AURKA: variants seen among roughly 807,000 people sequenced by gnomAD.
AURKA encodes aurora kinase A, also known as aurora 2.
AURKA carries 12 observed loss-of-function variants against 40.9 expected under a neutral mutation model. The observed-to-expected ratio is 0.29, with a 90% CI of 0.19 to 0.48. AURKA has a LOEUF of 0.48. Among genes scored for constraint, AURKA ranks in the 20% least tolerant of loss-of-function variants. The pLI, the probability that AURKA is intolerant of heterozygous loss-of-function variation, is 0.99. For synonymous variants in AURKA, 170 were observed against 164.3 expected, an observed-to-expected ratio of 1.03 and a Z score of -0.26; for missense variants, 322 against 462.1, an observed-to-expected ratio of 0.70 and a Z score of 2.78.
chr20:56,374,846 G>A (rs1480275032), intron 6 of AURKA, among the ~76,000 whole-genome samples: 7 of 152,152 alleles, frequency 4.6e-5, no homozygotes, highest in Admixed American at 2.6e-4. Flanking sequence ...TCAGGAGTTC[G>A]AGACCGGCCT....
rs35436934 is a variant in AURKA, at chr20:56,370,153, G to A, written c.*5C>T. 1,863 of 1,612,262 alleles carry A rather than the reference G, an allele frequency of 1.2e-3. 18 individuals are homozygous for A. In the African/African-American group the frequency reaches 0.022, roughly 19 times the overall value. On this transcript the variant is annotated 3_prime_UTR_variant, in exon 9 of 9. Transcript: ENST00000395915. Reference sequence around the variant, plus strand: ...GGCTCAAGGATTTCTCCCCCTGCACGATTCCTAAGACTGTTTGCTAGCTGA... The same window carrying A: ...GGCTCAAGGATTTCTCCCCCTGCACAATTCCTAAGACTGTTTGCTAGCTGA...
chr20:56,371,658 G>A (rs138895138), intron 7 of AURKA, among the ~76,000 whole-genome samples: 4 of 148,936 alleles, frequency 2.7e-5, no homozygotes, highest in African/African-American at 7.7e-5. Context: ...CACAGAGACA[G>A]TCCAACCACA....
chr20:56,390,499 G>A (rs1407855240), intron 1 of AURKA: 3 of 152,012 alleles, frequency 2.0e-5, no homozygotes, highest in Non-Finnish European at 4.4e-5. Flanking sequence ...TAGAGACAGG[G>A]TTTCTCTATG....
At chr20:56,377,566 A>G (rs1349544315) in intron 6 of AURKA, among the ~76,000 whole-genome samples, 1 of 152,206 alleles carries the variant, frequency 6.6e-6, no homozygotes, top group Non-Finnish European at 1.5e-5. Flanking sequence ...AGGCAGGTGG[A>G]TCACAAGGTC....
rs1983925720 is a variant in AURKA, at chr20:56,370,180, T to C, written c.1190A>G (p.Glu397Gly). Reference protein sequence around the residue: ...SSKPSNCQNKESASKQS With the variant: ...SSKPSNCQNKGSASKQS ...TTCCTAAGACTGTTTGCTAGCTGATTCTTTGTTTTGGCAATTTGATGGTTT... is the reference window on the plus strand; with the variant it reads ...TTCCTAAGACTGTTTGCTAGCTGATCCTTTGTTTTGGCAATTTGATGGTTT... The change falls in exon 9 of 9, where the codon GAA becomes GGA. Residue 397 changes from glutamate to glycine, a missense_variant. By Grantham distance (98) the Glu-to-Gly change is moderately conservative (BLOSUM62 -2). Coordinates refer to ENST00000395915, the MANE Select transcript of AURKA (RefSeq NM_198437.3). The C allele has an allele frequency of 1.2e-6, 2 of 1,612,890 alleles. No homozygotes were observed. The highest frequency in any genetic ancestry group is 1.3e-5 in the African/African-American group (1 of 74,896).
At chr20:56,378,880 T>A (rs1467937585) in intron 6 of AURKA, among the ~76,000 whole-genome samples, 1 of 151,970 alleles carries the variant, frequency 6.6e-6, no homozygotes, top group Non-Finnish European at 1.5e-5. Context: ...GATGGAAGGG[T>A]TGGAAGGGAT....
intron 6 of AURKA, among the ~76,000 whole-genome samples, chr20:56,375,753 A>C (rs1465914362): frequency 1.3e-5 from 2 of 152,192 alleles, no homozygotes; most frequent in African/African-American, 4.8e-5. Context: ...TGCACACATT[A>C]AAGTTTGAGA....
Position 56,370,592 on chromosome 20 carries a change from C to T in AURKA, c.922G>A (p.Glu308Lys), listed in dbSNP as rs765964564. 3 of 1,614,094 alleles carry T rather than the reference C, an allele frequency of 1.9e-6. No individual in the cohort carries two copies. The African/African-American group carries it at 4.0e-5, about 22-fold the overall frequency. The stretch of plus-strand genomic sequence containing the variant: ...CCAAGGCTCCAGAGATCCACCTTCT[C>T]ATCATGCATCCGACCTTCAATCATT... Reference protein sequence around the residue: ...PEMIEGRMHDEKVDLWSLGVL... With the variant: ...PEMIEGRMHDKKVDLWSLGVL... The change falls in exon 8 of 9, where the codon GAG (glutamate) becomes AAG (lysine). Residue 308 changes from glutamate to lysine, a missense_variant. Transcript: ENST00000395915.
chr20:56,387,586 G>T (rs999075706), intron 2 of AURKA, among the ~76,000 whole-genome samples: 1 of 152,200 alleles, frequency 6.6e-6, no homozygotes, highest in Non-Finnish European at 1.5e-5. Context: ...ACAGCTCATT[G>T]TAAGTGAGGG....
intron 2 of AURKA, 126 bp from the exon 3 acceptor site, chr20:56,386,659 G>A: frequency 9.2e-7 from 1 of 1,087,642 alleles, no homozygotes; most frequent in Non-Finnish European, 1.3e-6. Flanking sequence ...GAGATGGAAG[G>A]TGAAAAGGTA....
In AURKA at chr20:56,374,016, T is replaced by TACACACAC. The variant is rs11467339; in HGVS notation, c.706-468_706-461dup. The stretch of plus-strand genomic sequence containing the variant: ...GGATTGTAGAAATTATATAGGAGTC[T>TACACACAC]ACACACACACACACACACACACACA... On this transcript the variant is annotated intron_variant, in intron 6 of 8. Coordinates refer to ENST00000395915, the MANE Select transcript of AURKA (RefSeq NM_198437.3). 4.1e-3 allele frequency among the ~76,000 whole-genome samples: 606 copies of TACACACAC among 147,604 alleles called. 2 individuals carry two copies. The highest frequency in any genetic ancestry group is 0.014 in the African/African-American group (570 of 40,500).
Position 56,383,117 on chromosome 20 carries a change from C to A in AURKA, c.434G>T (p.Gly145Val). ...IGRPLGKGKFGNVYLAREKQS... is the reference protein window; with the variant it reads ...IGRPLGKGKFVNVYLAREKQS... ...CTTTTCTCTTGCCAAATAAACATTA[C>A]CAAACTTTCCTTTACCCAGAGGGCG... The change falls in exon 5 of 9, where the codon GGT (glycine) becomes GTT (valine). Residue 145 changes from glycine to valine, a missense_variant. Gly to Val is a moderately radical substitution (Grantham distance 109). Transcript: ENST00000395915. 3 of 1,614,204 alleles carry A rather than the reference C, an allele frequency of 1.9e-6. No individual in the cohort carries two copies. The highest frequency in any genetic ancestry group is 2.5e-6 in the Non-Finnish European group (3 of 1,180,050).
rs1984478324 is a variant in AURKA, at chr20:56,373,052, T to G, written c.854+356A>C. ...TCCTCTGAACCATCTCCCCATCTCC[T>G]CATCCAGGAAGCAGCAGAGGTGAAG... On this transcript the variant is annotated intron_variant, in intron 7 of 8. Transcript: ENST00000395915. This position sits in a 1 kb window ranked among gnomAD's most constrained non-coding sequence, Gnocchi z 5.0. 6.6e-6 allele frequency among the ~76,000 whole-genome samples: 1 copy of G among 152,206 alleles called. No homozygotes were observed. Among genetic ancestry groups the G allele is most frequent in the Non-Finnish European group, 1.5e-5 (1 of 68,020 alleles).
intron 3 of AURKA, 29 bp downstream of exon 3, chr20:56,386,228 T>C (rs1236795210): frequency 1.6e-5 from 26 of 1,614,024 alleles, no homozygotes; most frequent in Non-Finnish European, 2.2e-5. Flanking sequence ...AAAGAAGGAC[T>C]ATCCAATGAG....
chr20:56,380,862 C>G (rs946613421), intron 6 of AURKA, among the ~76,000 whole-genome samples: 3 of 152,132 alleles, frequency 2.0e-5, no homozygotes, highest in Non-Finnish European at 2.9e-5. Context: ...AGTTATATAT[C>G]AATATTGGTT....
chr20:56,371,194 G>A (rs1984129292), intron 7 of AURKA, among the ~76,000 whole-genome samples: 1 of 152,162 alleles, frequency 6.6e-6, no homozygotes, highest in South Asian at 2.1e-4. Context: ...TGGGTGCAGT[G>A]GCTCATGCCT....
intron 3 of AURKA, among the ~76,000 whole-genome samples, chr20:56,385,897 C>T (rs1008062431): frequency 6.6e-6 from 1 of 152,176 alleles, no homozygotes; most frequent in East Asian, 1.9e-4. Flanking sequence ...CCGCAGCCTG[C>T]CTCAGTTCAC....
intron 6 of AURKA, among the ~76,000 whole-genome samples, chr20:56,377,286 A>G (rs1008010234): frequency 2.6e-5 from 4 of 152,178 alleles, no homozygotes. Flanking sequence ...CAAAAAAATA[A>G]ATAAAAAACA....
Position 56,386,298 on chromosome 20 carries a change from T to C in AURKA, c.278A>G (p.Asn93Ser), listed in dbSNP as rs1420463153. ...GGGCTGCTTGCTCTTTTGGGTGTTA[T>C]TCAGTGGCCTGGAGACAGGATGAGG... ...SVPHPVSRPL[N>S]NTQKSKQPLP... The change falls in exon 3 of 9, where the codon AAT becomes AGT. Residue 93 changes from asparagine to serine, a missense_variant. Physicochemically the swap from Asn to Ser is conservative, Grantham distance 46. Coordinates refer to ENST00000395915, the MANE Select transcript of AURKA (RefSeq NM_198437.3). 2.5e-6 allele frequency: 4 copies of C among 1,614,120 alleles called. No individual in the cohort carries two copies. Among genetic ancestry groups the C allele is most frequent in the South Asian group, 2.2e-5 (2 of 91,094 alleles).
Sources: gnomAD v4.1 joint callset for allele counts (sites outside exome capture counted in the v4.1 genomes callset) on GRCh38, gnomAD v4.1.1 for gene constraint, Gnocchi (gnomAD v3.1) non-coding constraint, MANE v1.5 for transcripts, NCBI Gene and HGNC (gene_info 2026-07-23, HGNC 2026-07-21) for gene names.